CRKL: variants seen among roughly 807,000 people sequenced by gnomAD.
The protein encoded by CRKL is crk-like protein.
CRKL carries 3 observed loss-of-function variants against 23.0 expected under a neutral mutation model. The ratio of observed to expected loss-of-function variants is 0.13; its 90% CI spans 0.06 to 0.34. CRKL has a LOEUF of 0.34. Ranked by LOEUF, CRKL falls within the 10% of genes least tolerant of loss-of-function variation. The probability of loss-of-function intolerance (pLI) is 1.00; values close to 1 mark genes in which losing one functional copy is unlikely to be tolerated. For missense variants in CRKL, 256 were observed against 394.5 expected (o/e 0.65, Z 2.97); for synonymous variants, 188 against 160.7 (o/e 1.17, Z -1.28).
At chr22:20,930,933 C>A (rs894365799) in intron 1 of CRKL, among the ~76,000 whole-genome samples, 3 of 151,968 alleles carry the variant, frequency 2.0e-5, no homozygotes, top group African/African-American at 7.3e-5. Context: ...CCGTCCACCT[C>A]AGCCTCCCAA....
At chr22:20,949,011 T>C (rs986707356) in intron 2 of CRKL, among the ~76,000 whole-genome samples, 1 of 152,176 alleles carries the variant, frequency 6.6e-6, no homozygotes, top group Admixed American at 6.5e-5. Context: ...ACTTTAACCA[T>C]TCTCAGAATC....
intron 1 of CRKL, among the ~76,000 whole-genome samples, chr22:20,927,015 G>GTGGCTCACGCCTGTAATCCCA (rs1921228668): frequency 1.4e-5 from 2 of 146,966 alleles, no homozygotes; most frequent in Non-Finnish European, 3.0e-5. Context: ...GGGAGGCTGA[G>GTGGCTCACGCCTGTAATCCCA]GCAGGAGAAT....
At position 20,951,830 on chromosome 22, in the gene CRKL, C is replaced by T. The variant is rs532613829; in HGVS notation, c.*1985C>T. 7 of 221,656 alleles carry T rather than the reference C, an allele frequency of 3.2e-5. No homozygotes were observed. Among genetic ancestry groups the T allele is most frequent in the East Asian group, 6.6e-5 (1 of 15,164 alleles). 13.7% of individuals were successfully genotyped at this position (221,656 alleles called of 1,614,324 possible). A position where few individuals can be genotyped will look rare whatever the true frequency, so the allele number is the denominator to read the frequency against. ...ATTAATGGTCATTTGGGAAAACTAT[C>T]GCCATGGCTTCCCATCTGTGGTTTT... On this transcript the variant is annotated 3_prime_UTR_variant, in exon 3 of 3. Coordinates refer to ENST00000354336, the MANE Select transcript of CRKL (RefSeq NM_005207.4).
intron 1 of CRKL, among the ~76,000 whole-genome samples, chr22:20,927,921 G>A (rs1921290858): frequency 6.6e-6 from 1 of 151,290 alleles, no homozygotes; most frequent in African/African-American, 2.4e-5. Flanking sequence ...CAGCACTTTG[G>A]GAGGCCGAGG....
chr22:20,938,771 G>C (rs559053111), intron 2 of CRKL, among the ~76,000 whole-genome samples: 3 of 151,970 alleles, frequency 2.0e-5, no homozygotes, highest in Non-Finnish European at 4.4e-5. Flanking sequence ...CTTAACCCTG[G>C]GTACACACAC....
In CRKL at chr22:20,950,659, C is replaced by T. The variant is rs891525154; in HGVS notation, c.*814C>T. On this transcript the variant is annotated 3_prime_UTR_variant, in exon 3 of 3. Coordinates refer to ENST00000354336, the MANE Select transcript of CRKL (RefSeq NM_005207.4). ...AACTCCTGACTTCAGGTGATCCACC[C>T]GCCTTCAGCCTCCCAACGTGCTGGG... is the stretch of plus-strand genomic sequence containing the variant. 1.4e-5 allele frequency: 3 copies of T among 216,698 alleles called. No individual in the cohort carries two copies. Among genetic ancestry groups the T allele is most frequent in the African/African-American group, 2.3e-5 (1 of 44,364 alleles). 13.4% of individuals were successfully genotyped at this position (216,698 alleles called of 1,614,324 possible).
chr22:20,933,510 TAAAA>T (rs1023587927), intron 1 of CRKL, among the ~76,000 whole-genome samples: 16 of 150,716 alleles, frequency 1.1e-4, no homozygotes, highest in African/African-American at 3.9e-4. Flanking sequence ...CTACTAAAAA[TAAAA>T]AAAGTTACCT....
Position 20,949,879 on chromosome 22 carries a change from T to TCTGC in CRKL, c.*38_*41dup. ...GCCCTGTTTCCTGCTGCTTTGTTGT[T>TCTGC]CTGCCTGTCCTAGTCTCCTTTGAAG... On this transcript the variant is annotated 3_prime_UTR_variant, in exon 3 of 3. Coordinates refer to ENST00000354336, the MANE Select transcript of CRKL (RefSeq NM_005207.4). 6.3e-7 allele frequency: 1 copy of TCTGC among 1,593,144 alleles called. No homozygotes were observed. The highest frequency in any genetic ancestry group is 8.5e-7 in the Non-Finnish European group (1 of 1,171,118).
Position 20,917,873 on chromosome 22 carries a change from G to T in CRKL, c.-62G>T, listed in dbSNP as rs1929747773. The T allele has an allele frequency of 6.6e-7, 1 of 1,516,664 alleles. No homozygotes were observed. Among genetic ancestry groups the T allele is most frequent in the Non-Finnish European group, 8.9e-7 (1 of 1,118,676 alleles). 94.0% of individuals were successfully genotyped at this position (1,516,664 alleles called of 1,614,324 possible). A position where few individuals can be genotyped will look rare whatever the true frequency, so the allele number is the denominator to read the frequency against. On this transcript the variant is annotated 5_prime_UTR_variant, in exon 1 of 3. Transcript: ENST00000354336. ...CCCCAAAGCCGTCTGCCGGGCTAAG[G>T]CGTGCAGAGCAGGCGAGGACAGCCG... is the stretch of plus-strand genomic sequence containing the variant.
chr22:20,949,892 G>A lies in CRKL; in HGVS notation c.*47G>A. ...CTGCTTTGTTGTTCTGCCTGTCCTA[G>A]TCTCCTTTGAAGTGGGAAAGCATTT... is the stretch of plus-strand genomic sequence containing the variant. On this transcript the variant is annotated 3_prime_UTR_variant, in exon 3 of 3. Transcript: ENST00000354336. 1 of 1,573,300 alleles carries A rather than the reference G, an allele frequency of 6.4e-7. No individual in the cohort carries two copies.
intron 2 of CRKL, among the ~76,000 whole-genome samples, chr22:20,937,041 C>G (rs7287892): frequency 6.6e-6 from 1 of 151,836 alleles, no homozygotes; most frequent in South Asian, 2.1e-4. Context: ...TAGTAGAGAC[C>G]GGGTTTCACT....
At chr22:20,932,175 C>T (rs1264051908) in intron 1 of CRKL, among the ~76,000 whole-genome samples, 3 of 151,994 alleles carry the variant, frequency 2.0e-5, no homozygotes, top group Non-Finnish European at 4.4e-5. Context: ...ATGATGCAGT[C>T]ATAGCTCACT....
intron 1 of CRKL, among the ~76,000 whole-genome samples, chr22:20,919,482 CT>C (rs1929807281): frequency 6.6e-6 from 1 of 152,184 alleles, no homozygotes; most frequent in Admixed American, 6.6e-5. Flanking sequence ...CAAGCATTCT[CT>C]TTTCCAAGTG....
At chr22:20,929,549 C>T (rs145411156) in intron 1 of CRKL, among the ~76,000 whole-genome samples, 2,931 of 147,954 alleles carry the variant, frequency 0.02, 97 homozygotes, top group African/African-American at 0.07. Flanking sequence ...CTGCAACCTC[C>T]GCCTCCCGGG....
intron 2 of CRKL, among the ~76,000 whole-genome samples, chr22:20,947,675 C>CTT (rs1491297940): frequency 1.9e-4 from 16 of 86,030 alleles, no homozygotes; most frequent in South Asian, 1.2e-3. Context: ...TTCTTTTTTT[C>CTT]ATTTTTTTTT....
intron 2 of CRKL, among the ~76,000 whole-genome samples, chr22:20,944,068 G>GC (rs1161098019): frequency 6.8e-6 from 1 of 146,822 alleles, no homozygotes; most frequent in East Asian, 2.0e-4. Context: ...TCCCATTGCT[G>GC]CAAAAAAAAA....
intron 2 of CRKL, among the ~76,000 whole-genome samples, chr22:20,944,508 G>T (rs1274849466): frequency 6.6e-6 from 1 of 151,928 alleles, no homozygotes; most frequent in African/African-American, 2.4e-5. Context: ...TGGTTCAAGC[G>T]ATTCTCCTGC....
rs1294545851 is a variant in CRKL at position 20,951,598 on chromosome 22, G to A, written c.*1753G>A. The stretch of plus-strand genomic sequence containing the variant: ...TGAACACAGCAGACCTAGAAATGTA[G>A]CAGCAGCCTACTGAGTAGCTTTCAT... On this transcript the variant is annotated 3_prime_UTR_variant, in exon 3 of 3. Coordinates refer to ENST00000354336, the MANE Select transcript of CRKL (RefSeq NM_005207.4). 4.4e-6 allele frequency: 1 copy of A among 225,328 alleles called. No homozygotes were observed. Among genetic ancestry groups the A allele is most frequent in the Admixed American group, 5.7e-5 (1 of 17,474 alleles). The allele number at this position is 225,328 out of a possible 1,614,324, so 14.0% of individuals were successfully genotyped here. A position where few individuals can be genotyped will look rare whatever the true frequency, so the allele number is the denominator to read the frequency against.
intron 2 of CRKL, among the ~76,000 whole-genome samples, chr22:20,945,024 C>T (rs530902423): frequency 3.1e-4 from 47 of 150,832 alleles, no homozygotes; most frequent in African/African-American, 8.8e-4. Flanking sequence ...GATGGAGTTT[C>T]GCTCTATCAC....
Sources: allele counts gnomAD v4.1 joint callset (sites outside exome capture counted in the v4.1 genomes callset), GRCh38; gene constraint gnomAD v4.1.1; transcripts MANE v1.5; gene names NCBI Gene and HGNC (gene_info 2026-07-23, HGNC 2026-07-21).